The following CNOT4 variants were observed in gnomAD, a reference collection of about 807,000 sequenced individuals.
CNOT4 encodes CCR4-NOT transcription complex subunit 4, also known as CCR4-associated factor 4.
A neutral mutation model predicts 73.8 loss-of-function variants in CNOT4; 8 were observed. That is an observed-to-expected ratio of 0.11 (90% CI 0.06 to 0.20). The LOEUF is 0.20. Among genes scored for constraint, CNOT4 ranks in the 10% least tolerant of loss-of-function variants. The probability of loss-of-function intolerance (pLI) is 1.00; values close to 1 mark genes in which losing one functional copy is unlikely to be tolerated. For missense variants in CNOT4, 564 were observed against 883.4 expected (o/e 0.64, Z 4.58); for synonymous variants, 293 against 321.1 (o/e 0.91, Z 0.94).
intron 1 of CNOT4, among the ~76,000 whole-genome samples, chr7:135,466,655 T>G (rs1262133842): frequency 6.6e-6 from 1 of 152,128 alleles, no homozygotes; most frequent in Non-Finnish European, 1.5e-5. Context: ...ACTCACCAAC[T>G]CATCCAGAGC....
chr7:135,480,601 G>A (rs909042958), intron 1 of CNOT4, among the ~76,000 whole-genome samples: 6 of 152,138 alleles, frequency 3.9e-5, no homozygotes, highest in Admixed American at 2.6e-4. Context: ...CTGTTGCCCA[G>A]CCTGGAGTGC....
intron 7 of CNOT4, among the ~76,000 whole-genome samples, chr7:135,404,389 G>A (rs1202191211): frequency 2.6e-5 from 4 of 152,114 alleles, no homozygotes; most frequent in African/African-American, 9.7e-5. Flanking sequence ...AGTATCAGCA[G>A]ACCAGTGCCC....
chr7:135,452,295 A>G (rs1307523059), intron 1 of CNOT4, among the ~76,000 whole-genome samples: 2 of 151,810 alleles, frequency 1.3e-5, no homozygotes, highest in Non-Finnish European at 2.9e-5. Flanking sequence ...AAATAGGGAC[A>G]GGCATGGTGG....
chr7:135,439,333 G>T (rs2718165), intron 1 of CNOT4, among the ~76,000 whole-genome samples: 1,914 of 152,208 alleles, frequency 0.013, 39 homozygotes, highest in African/African-American at 0.044. Context: ...AAGAATAAAT[G>T]CATGAGAATC....
chr7:135,435,437 A>G (rs551278407), intron 2 of CNOT4, among the ~76,000 whole-genome samples: 5 of 152,200 alleles, frequency 3.3e-5, no homozygotes, highest in African/African-American at 1.2e-4. Flanking sequence ...CCAATTTATC[A>G]ATTTGCTCTT....
chr7:135,495,099 T>A (rs1026504262), intron 1 of CNOT4, among the ~76,000 whole-genome samples: 3 of 152,164 alleles, frequency 2.0e-5, no homozygotes, highest in Non-Finnish European at 4.4e-5. Context: ...TTAAGCAAAG[T>A]TTCCCAAGAT....
At chr7:135,398,298 A>AAC in intron 7 of CNOT4, 72 bp from the exon 8 acceptor site, 2 of 771,826 alleles carry the variant, frequency 2.6e-6, no homozygotes, top group Non-Finnish European at 4.4e-6. Flanking sequence ...AACTCCTCAA[A>AAC]AGAAAAAAAA....
At position 135,486,943 on chromosome 7, in the gene CNOT4, A is replaced by C. The variant is rs528040106; in HGVS notation, c.-93+22946T>G. On this transcript the variant is annotated intron_variant, in intron 1 of 11. Transcript: ENST00000541284. ...AAAATAAAAAAGGTAAAGAGTACTA[A>C]GATCCAGAAAATTAACAAGCAGTAA... Among the ~76,000 whole-genome samples the C allele has an allele frequency of 2.0e-5, 3 of 152,334 alleles. No homozygotes were observed. The South Asian group carries it at 6.2e-4, about 32-fold the overall frequency.
At chr7:135,466,627 C>T (rs879837131) in intron 1 of CNOT4, among the ~76,000 whole-genome samples, 4 of 152,140 alleles carry the variant, frequency 2.6e-5, no homozygotes, top group Non-Finnish European at 4.4e-5. Flanking sequence ...CCTAGGCCTT[C>T]GTATTCCCTC....
intron 1 of CNOT4, among the ~76,000 whole-genome samples, chr7:135,498,506 T>C (rs1169280853): frequency 2.0e-5 from 3 of 152,200 alleles, no homozygotes; most frequent in Non-Finnish European, 4.4e-5. Context: ...CTTGCTTTCA[T>C]CAGAATCAAA....
intron 1 of CNOT4, among the ~76,000 whole-genome samples, chr7:135,492,214 A>C (rs2129487724): frequency 6.6e-6 from 1 of 152,262 alleles, no homozygotes; most frequent in African/African-American, 2.4e-5. Context: ...TTGCCAGACA[A>C]TATTCAGGGC....
chr7:135,428,209 C>T (rs939670413), intron 2 of CNOT4, among the ~76,000 whole-genome samples: 11 of 152,136 alleles, frequency 7.2e-5, no homozygotes, highest in African/African-American at 2.7e-4. Context: ...AGCCCTAATG[C>T]CAATGCTTAC....
chr7:135,395,418 C>T (rs1267222617), intron 9 of CNOT4, among the ~76,000 whole-genome samples: 7 of 152,016 alleles, frequency 4.6e-5, no homozygotes, highest in Non-Finnish European at 1.0e-4. Flanking sequence ...ACAATATAAC[C>T]CTTTACTTCT....
At chr7:135,445,164 G>A (rs999900928) in intron 1 of CNOT4, among the ~76,000 whole-genome samples, 11 of 152,162 alleles carry the variant, frequency 7.2e-5, no homozygotes, top group Admixed American at 2.6e-4. Flanking sequence ...TAATGGGGTT[G>A]CCTCCCAGCT....
intron 1 of CNOT4, among the ~76,000 whole-genome samples, chr7:135,483,717 G>C (rs1013699968): frequency 2.0e-5 from 3 of 151,866 alleles, no homozygotes; most frequent in Non-Finnish European, 4.4e-5. Context: ...CCAACCACTC[G>C]GGGGGCTGAG....
chr7:135,414,436 A>C lies in CNOT4; in HGVS notation c.460-4T>G, dbSNP rs751137392. On this transcript the variant is annotated splice_polypyrimidine_tract_variant and splice_region_variant and intron_variant, in intron 4 of 11. Transcript: ENST00000541284. ...CATAAGCACTGGCACTTGGACCCTAAAGTGAAAACATCCCATTCCACTGTT... is the reference window on the plus strand; with the variant it reads ...CATAAGCACTGGCACTTGGACCCTACAGTGAAAACATCCCATTCCACTGTT... 3.9e-6 allele frequency: 5 copies of C among 1,278,758 alleles called. No individual in the cohort carries two copies. In the Admixed American group the frequency reaches 8.8e-5, roughly 22 times the overall value. 79.2% of individuals were successfully genotyped at this position (1,278,758 alleles called of 1,614,324 possible). A position where few individuals can be genotyped will look rare whatever the true frequency, so the allele number is the denominator to read the frequency against.
rs1796532495 is a variant in CNOT4, at chr7:135,393,923, A to G, written c.1622T>C (p.Val541Ala). 1 of 1,601,946 alleles carries G rather than the reference A, an allele frequency of 6.2e-7. No homozygotes were observed. The highest frequency in any genetic ancestry group is 8.5e-7 in the Non-Finnish European group (1 of 1,173,164). ...AAGGTTTTAAATGAACCTACCTGCT[A>G]CAGGGATCCCTCCCAGACCTGTGTT... ...QHNTGLGGIPVADNSSSVESL... is the reference protein window; with the variant it reads ...QHNTGLGGIPAADNSSSVESL... Residue 541 changes from valine (V) to alanine (A), a missense_variant, in exon 10 of 12, where the codon GTA (valine) becomes GCA (alanine). Physicochemically the swap from Val to Ala is moderately conservative, Grantham distance 64. Transcript: ENST00000541284.
intron 1 of CNOT4, among the ~76,000 whole-genome samples, chr7:135,476,842 T>C (rs181581570): frequency 6.6e-6 from 1 of 152,218 alleles, no homozygotes. Flanking sequence ...AGCATAATGG[T>C]ACATGTCTGT....
At chr7:135,496,692 G>A (rs146501948) in intron 1 of CNOT4, among the ~76,000 whole-genome samples, 1 of 151,822 alleles carries the variant, frequency 6.6e-6, no homozygotes, top group Non-Finnish European at 1.5e-5. Flanking sequence ...TTTGGATTCT[G>A]AGCCAAACTT....
Sources: gnomAD v4.1 joint callset for allele counts (sites outside exome capture counted in the v4.1 genomes callset) on GRCh38, gnomAD v4.1.1 for gene constraint, MANE v1.5 for transcripts, NCBI Gene and HGNC (gene_info 2026-07-23, HGNC 2026-07-21) for gene names.